The following ADAM10 variants were observed in gnomAD, a reference collection of about 807,000 sequenced individuals.
ADAM10 encodes the protein ADAM metallopeptidase domain 10, also known as disintegrin and metalloproteinase domain-containing protein 10.
A neutral mutation model predicts 90.1 loss-of-function variants in ADAM10; 17 were observed. The ratio of observed to expected loss-of-function variants is 0.19; its 90% CI spans 0.13 to 0.28. The LOEUF (loss-of-function observed/expected upper bound fraction) is 0.28. ADAM10 is among the 10% of genes least tolerant of loss of function. The pLI, the probability that ADAM10 is intolerant of heterozygous loss-of-function variation, is 1.00. For synonymous variants in ADAM10, 310 were observed against 298.6 expected (o/e 1.04, Z -0.40); for missense variants, 610 against 914.3 (o/e 0.67, Z 4.29).
intron 12 of ADAM10, chr15:58,611,309 T>C (rs968882110): frequency 6.8e-5 from 38 of 555,416 alleles, no homozygotes; most frequent in African/African-American, 4.2e-4. Context: ...CCAAGAAAGA[T>C]AGTAAATCTT....
intron 2 of ADAM10, among the ~76,000 whole-genome samples, chr15:58,710,064 T>G (rs1898425354): frequency 6.6e-6 from 1 of 151,850 alleles, no homozygotes; most frequent in African/African-American, 2.4e-5. Context: ...AGGCGGATCA[T>G]GTTAGGAGAT....
chr15:58,638,312 A>C (rs527431791), intron 8 of ADAM10, among the ~76,000 whole-genome samples: 1 of 152,122 alleles, frequency 6.6e-6, no homozygotes, highest in African/African-American at 2.4e-5. Context: ...GCCAATCACC[A>C]TATTTTTGCT....
intron 1 of ADAM10, among the ~76,000 whole-genome samples, chr15:58,740,109 AAAT>A (rs1164247597): frequency 1.3e-5 from 2 of 151,692 alleles, no homozygotes; most frequent in Non-Finnish European, 2.9e-5. Flanking sequence ...ATAAAGCTTG[AAAT>A]AAAGAACAGC....
intron 5 of ADAM10, among the ~76,000 whole-genome samples, chr15:58,650,068 T>G (rs1412269699): frequency 2.0e-5 from 3 of 152,198 alleles, no homozygotes; most frequent in African/African-American, 7.2e-5. Flanking sequence ...AATTCTAAAT[T>G]TCCCATCAAG....
At chr15:58,624,920 A>G (rs188679174) in intron 10 of ADAM10, among the ~76,000 whole-genome samples, 88 of 152,316 alleles carry the variant, frequency 5.8e-4, no homozygotes, top group African/African-American at 2.1e-3. Context: ...TAATACCTAC[A>G]AAGCAATATG....
At chr15:58,733,663 T>C (rs1041580332) in intron 1 of ADAM10, among the ~76,000 whole-genome samples, 2 of 152,202 alleles carry the variant, frequency 1.3e-5, no homozygotes, top group Non-Finnish European at 2.9e-5. Flanking sequence ...GCATAACCTC[T>C]ATAGGGGATT....
At chr15:58,689,187 T>A (rs976343757) in intron 2 of ADAM10, among the ~76,000 whole-genome samples, 1 of 151,980 alleles carries the variant, frequency 6.6e-6, no homozygotes, top group Admixed American at 6.6e-5. Flanking sequence ...GATTTAACAT[T>A]AGAAATAATG....
At chr15:58,666,916 T>C (rs1173439230) in intron 4 of ADAM10, among the ~76,000 whole-genome samples, 1 of 152,152 alleles carries the variant, frequency 6.6e-6, no homozygotes, top group East Asian at 1.9e-4. Context: ...AAGCATGCAA[T>C]TTTTCCCATA....
At chr15:58,729,508 A>C (rs1476632448) in intron 1 of ADAM10, among the ~76,000 whole-genome samples, 1 of 152,232 alleles carries the variant, frequency 6.6e-6, no homozygotes. Flanking sequence ...AGACTACCCC[A>C]GAGTGATCTG....
chr15:58,655,702 A>ATATATAC (rs60905284), intron 5 of ADAM10, among the ~76,000 whole-genome samples: 1,408 of 53,602 alleles, frequency 0.026, 102 homozygotes, highest in East Asian at 0.18. Context: ...TATAGTATAT[A>ATATATAC]TATATATAGT....
intron 2 of ADAM10, among the ~76,000 whole-genome samples, chr15:58,683,603 TGTAATCCCA>T (rs2140757101): frequency 6.6e-6 from 1 of 152,184 alleles, no homozygotes; most frequent in East Asian, 1.9e-4. Context: ...GGCTCATGCC[TGTAATCCCA>T]GAACTTTGGG....
At chr15:58,631,055 C>G (rs899417300) in intron 9 of ADAM10, among the ~76,000 whole-genome samples, 22 of 152,018 alleles carry the variant, frequency 1.4e-4, no homozygotes, top group Non-Finnish European at 3.2e-4. Flanking sequence ...TCTCCTTGAC[C>G]CCACGCTCCC....
At chr15:58,619,731 C>A (rs1003460455) in intron 11 of ADAM10, among the ~76,000 whole-genome samples, 2 of 151,926 alleles carry the variant, frequency 1.3e-5, no homozygotes, top group Non-Finnish European at 2.9e-5. Flanking sequence ...GGTGAAAGCC[C>A]ATCTCTACTA....
chr15:58,608,606 C>T (rs192609500), intron 14 of ADAM10, among the ~76,000 whole-genome samples: 3 of 152,208 alleles, frequency 2.0e-5, no homozygotes, highest in East Asian at 1.9e-4. Context: ...TTAAAGTCAA[C>T]GTCTATGAAC....
chr15:58,647,505 C>A (rs2140699331), intron 5 of ADAM10, among the ~76,000 whole-genome samples: 1 of 151,658 alleles, frequency 6.6e-6, no homozygotes. Flanking sequence ...ACCTCGTGAT[C>A]CGCCCGCCTC....
chr15:58,638,480 T>C (rs1896327190), intron 8 of ADAM10, among the ~76,000 whole-genome samples: 2 of 151,392 alleles, frequency 1.3e-5, no homozygotes, highest in Admixed American at 6.6e-5. Flanking sequence ...CCACGCATGG[T>C]GGCGGGCGCC....
chr15:58,610,730 G>A, intron 13 of ADAM10: 1 of 656,752 alleles, frequency 1.5e-6, no homozygotes. Context: ...TCTTGACTCA[G>A]TGTCCACGAT....
In ADAM10 at chr15:58,611,111, G is replaced by T. The variant is rs1312700719; in HGVS notation, c.1696-4C>A. On this transcript the variant is annotated splice_region_variant and splice_polypyrimidine_tract_variant and intron_variant, in intron 12 of 15. Transcript: ENST00000260408. ...CACAGATAGAACCTGCACATTGCTA[G>T]AAGAAAAATAAAAGACAAATTGTTT... 6.2e-7 allele frequency: 1 copy of T among 1,607,594 alleles called. No individual in the cohort carries two copies. Among genetic ancestry groups the T allele is most frequent in the Non-Finnish European group, 8.5e-7 (1 of 1,174,326 alleles).
At chr15:58,732,690 C>G in intron 1 of ADAM10, 1 of 126,554 alleles carries the variant, frequency 7.9e-6, no homozygotes, top group East Asian at 2.4e-4. Flanking sequence ...GCATGGGCAA[C>G]AGAGCAAGAC....
Sources: gnomAD v4.1 joint callset for allele counts (sites outside exome capture counted in the v4.1 genomes callset) on GRCh38, gnomAD v4.1.1 for gene constraint, MANE v1.5 for transcripts, NCBI Gene and HGNC (gene_info 2026-07-23, HGNC 2026-07-21) for gene names.